The following MACROD2 variants were observed in gnomAD, a reference collection of about 807,000 sequenced individuals.
MACROD2 encodes ADP-ribose glycohydrolase MACROD2.
A neutral mutation model predicts 70.4 loss-of-function variants in MACROD2; 36 were observed. The observed-to-expected ratio is 0.51, with a 90% confidence interval of 0.39 to 0.68. The LOEUF (loss-of-function observed/expected upper bound fraction) is 0.68, where lower values mean the gene tolerates loss of function less well. Ranked by LOEUF, MACROD2 falls within the 30% of genes least tolerant of loss-of-function variation. MACROD2 has a pLI of 0.00. For synonymous variants in MACROD2, 172 were observed against 178.8 expected (o/e 0.96, Z 0.30); for missense variants, 496 against 538.4 (o/e 0.92, Z 0.78).
chr20:14,788,537 G>T (rs1670935108), intron 5 of MACROD2, among the ~76,000 whole-genome samples: 1 of 130,588 alleles, frequency 7.7e-6, no homozygotes, highest in South Asian at 2.5e-4. Context: ...AGTGAGCCGA[G>T]ATGTAGCCTC....
At chr20:15,707,827 A>T (rs6034271) in intron 8 of MACROD2, among the ~76,000 whole-genome samples, 7,667 of 151,970 alleles carry the variant, frequency 0.05, 644 homozygotes, top group African/African-American at 0.17. Flanking sequence ...CGTAAAAAAA[A>T]AAATCCCTTT....
chr20:14,771,761 C>CAT (rs1568787174), intron 5 of MACROD2, among the ~76,000 whole-genome samples: 1 of 151,068 alleles, frequency 6.6e-6, no homozygotes, highest in Non-Finnish European at 1.5e-5. Flanking sequence ...CACACACACA[C>CAT]ACATACACAT....
chr20:14,075,035 C>T (rs750584473), intron 2 of MACROD2, among the ~76,000 whole-genome samples: 6 of 152,016 alleles, frequency 3.9e-5, no homozygotes, highest in East Asian at 1.9e-4. Flanking sequence ...ATTGCACTGC[C>T]GGTGTTCAAG....
intron 8 of MACROD2, among the ~76,000 whole-genome samples, chr20:15,839,207 G>C (rs2064145372): frequency 6.6e-6 from 1 of 152,082 alleles, no homozygotes; most frequent in African/African-American, 2.4e-5. Context: ...AGCATCCCTT[G>C]AGAGGAAATA....
chr20:14,768,011 G>T (rs2072114484), intron 5 of MACROD2, among the ~76,000 whole-genome samples: 1 of 151,972 alleles, frequency 6.6e-6, no homozygotes, highest in Non-Finnish European at 1.5e-5. Context: ...GTGTATATGT[G>T]CCACATTTTC....
At chr20:15,869,236 T>TAGAGAGAGAGAGAGAGAG (rs1423223643) in intron 9 of MACROD2, among the ~76,000 whole-genome samples, 88 of 33,442 alleles carry the variant, frequency 2.6e-3, no homozygotes, top group Non-Finnish European at 5.3e-3. Flanking sequence ...TATATATATA[T>TAGAGAGAGAGAGAGAGAG]ATAGAGAGAG....
chr20:15,528,288 C>T (rs2047748796), intron 8 of MACROD2, among the ~76,000 whole-genome samples: 1 of 152,214 alleles, frequency 6.6e-6, no homozygotes. Context: ...GCATGTGCCA[C>T]CACACCCAGC....
intron 1 of MACROD2, among the ~76,000 whole-genome samples, chr20:13,999,687 C>G (rs551162112): frequency 6.6e-6 from 1 of 152,108 alleles, no homozygotes; most frequent in Non-Finnish European, 1.5e-5. Context: ...CTACTTACCT[C>G]GAAGGGAAAC....
chr20:15,169,262 T>C lies in MACROD2; in HGVS notation c.419-60678T>C, dbSNP rs377503226. Among the ~76,000 whole-genome samples the C allele has an allele frequency of 2.6e-5, 4 of 152,286 alleles. No homozygotes were observed. In the South Asian group the frequency reaches 6.2e-4, roughly 24 times the overall value. ...CTAAGAATGCATTCTATTTCTCTTT[T>C]CCCAACTTTTTTAAGAATAAAGTTC... is the stretch of plus-strand genomic sequence containing the variant. On this transcript the variant is annotated intron_variant, in intron 5 of 17. Coordinates refer to ENST00000684519, the MANE Select transcript of MACROD2 (RefSeq NM_001351661.2).
chr20:15,313,068 T>G (rs1215004784), intron 6 of MACROD2, among the ~76,000 whole-genome samples: 1 of 152,192 alleles, frequency 6.6e-6, no homozygotes, highest in Non-Finnish European at 1.5e-5. Flanking sequence ...TATAAAACTT[T>G]TAAATATTCT....
At chr20:14,723,310 T>G (rs759181362) in intron 5 of MACROD2, among the ~76,000 whole-genome samples, 1 of 151,972 alleles carries the variant, frequency 6.6e-6, no homozygotes, top group African/African-American at 2.4e-5. Context: ...ATTATTACCT[T>G]TTGCAGCTCT....
intron 8 of MACROD2, among the ~76,000 whole-genome samples, chr20:15,652,389 G>A (rs1051688470): frequency 2.6e-5 from 4 of 152,086 alleles, no homozygotes; most frequent in Non-Finnish European, 5.9e-5. Flanking sequence ...TTCACACTAA[G>A]CTTTTGTATT....
At chr20:14,226,822 C>T (rs1018892181) in intron 3 of MACROD2, among the ~76,000 whole-genome samples, 6 of 152,048 alleles carry the variant, frequency 3.9e-5, no homozygotes, top group Non-Finnish European at 8.8e-5. Flanking sequence ...GGCCAAGCCT[C>T]CCCGATGAGC....
intron 3 of MACROD2, among the ~76,000 whole-genome samples, chr20:14,146,935 A>G (rs1458946858): frequency 1.3e-5 from 2 of 152,212 alleles, no homozygotes; most frequent in African/African-American, 4.8e-5. Flanking sequence ...GCTTCTTGAC[A>G]TAGGCCAGGG....
At chr20:15,539,582 T>C (rs566297047) in intron 8 of MACROD2, among the ~76,000 whole-genome samples, 14 of 152,360 alleles carry the variant, frequency 9.2e-5, no homozygotes, top group Non-Finnish European at 1.8e-4. Context: ...CACTGGTTGA[T>C]TGGTTAAACT....
intron 3 of MACROD2, among the ~76,000 whole-genome samples, chr20:14,351,954 G>A (rs185016232): frequency 1.1e-3 from 173 of 152,134 alleles, no homozygotes; most frequent in Non-Finnish European, 1.9e-3. Context: ...TAACTTTATC[G>A]AATGCTTTTT....
chr20:14,398,349 A>G (rs1466315948), intron 3 of MACROD2, among the ~76,000 whole-genome samples: 1 of 150,218 alleles, frequency 6.7e-6, no homozygotes, highest in Admixed American at 6.6e-5. Flanking sequence ...TGGCCATACT[A>G]ATTTACATCC....
In MACROD2 at chr20:14,794,065, G is replaced by A. The variant is rs117300560; in HGVS notation, c.418+109106G>A. Among the ~76,000 whole-genome samples, 262 of 152,096 alleles carry A rather than the reference G, an allele frequency of 1.7e-3. 11 individuals carry two copies. The East Asian group carries it at 0.048, about 28-fold the overall frequency. On this transcript the variant is annotated intron_variant, in intron 5 of 17. Transcript: ENST00000684519. ...GAGCCAGGAATAGAAAGGGATTGGG[G>A]CTTACTTACTAACTAGCACAGGTCT...
At chr20:15,679,066 A>G (rs1007423234) in intron 8 of MACROD2, among the ~76,000 whole-genome samples, 6 of 152,030 alleles carry the variant, frequency 3.9e-5, no homozygotes, top group Non-Finnish European at 8.8e-5. Context: ...GTGAAACCCC[A>G]TCTCTACTAA....
Sources: allele counts gnomAD v4.1 joint callset (sites outside exome capture counted in the v4.1 genomes callset), GRCh38; gene constraint gnomAD v4.1.1; transcripts MANE v1.5; gene names NCBI Gene and HGNC (gene_info 2026-07-23, HGNC 2026-07-21).